The following WWOX variants were observed in gnomAD, a reference collection of about 807,000 sequenced individuals.
WWOX encodes WW domain-containing oxidoreductase.
WWOX carries 69 observed loss-of-function variants against 46.2 expected under a neutral mutation model. That is an observed-to-expected ratio of 1.49 (90% confidence interval 1.23 to 1.82). The LOEUF (loss-of-function observed/expected upper bound fraction) is 1.82. Ranked by LOEUF, WWOX falls within the 40% of genes most tolerant of loss-of-function variation. WWOX has a pLI of 0.00. For synonymous variants in WWOX, 359 were observed against 202.6 expected, an observed-to-expected ratio of 1.77 and a Z score of -6.56; for missense variants, 919 against 542.6, an observed-to-expected ratio of 1.69 and a Z score of -6.89.
intron 5 of WWOX, among the ~76,000 whole-genome samples, chr16:78,370,508 AT>A (rs372525857): frequency 6.3e-4 from 95 of 149,832 alleles, no homozygotes; most frequent in African/African-American, 2.2e-3. Flanking sequence ...TTTTTTTTTG[AT>A]TTTTTTATGT....
intron 5 of WWOX, among the ~76,000 whole-genome samples, chr16:78,363,496 C>G (rs924613284): frequency 2.6e-5 from 4 of 151,990 alleles, no homozygotes; most frequent in Non-Finnish European, 4.4e-5. Flanking sequence ...CCAGGCTGTC[C>G]TTGAACTCCT....
chr16:78,832,273 C>A (rs575566496), intron 8 of WWOX, among the ~76,000 whole-genome samples: 1 of 152,186 alleles, frequency 6.6e-6, no homozygotes, highest in Non-Finnish European at 1.5e-5. Context: ...TGTACAGCTT[C>A]AGGAGCAGCC....
intron 8 of WWOX, among the ~76,000 whole-genome samples, chr16:78,827,005 C>G (rs944015985): frequency 6.6e-6 from 1 of 152,100 alleles, no homozygotes; most frequent in Non-Finnish European, 1.5e-5. Flanking sequence ...AGATTATTTC[C>G]TCCCCGTGTC....
intron 8 of WWOX, among the ~76,000 whole-genome samples, chr16:78,809,084 C>G (rs1482608462): frequency 6.6e-6 from 1 of 152,138 alleles, no homozygotes; most frequent in Non-Finnish European, 1.5e-5. Flanking sequence ...ACACTGAGGA[C>G]ACACGGCGTT....
chr16:78,221,761 G>C (rs2036895601), intron 5 of WWOX, among the ~76,000 whole-genome samples: 1 of 152,240 alleles, frequency 6.6e-6, no homozygotes, highest in African/African-American at 2.4e-5. Flanking sequence ...CCATTCATGT[G>C]TAATCCCGTA....
chr16:78,917,890 A>T (rs906625828), intron 8 of WWOX, among the ~76,000 whole-genome samples: 3 of 152,134 alleles, frequency 2.0e-5, no homozygotes, highest in African/African-American at 7.2e-5. Flanking sequence ...GTTTTTTAAA[A>T]CAAAAAAAAG....
intron 8 of WWOX, among the ~76,000 whole-genome samples, chr16:78,466,717 G>C (rs571787949): frequency 3.9e-5 from 6 of 152,184 alleles, no homozygotes; most frequent in African/African-American, 1.4e-4. Context: ...GCTTGGCGCT[G>C]GGTTTCTGTA....
At chr16:78,427,634 T>C (rs978702714) in intron 7 of WWOX, among the ~76,000 whole-genome samples, 1 of 151,792 alleles carries the variant, frequency 6.6e-6, no homozygotes, top group African/African-American at 2.4e-5. Flanking sequence ...CTCAATAAAA[T>C]TGGGCTTGGT....
At position 78,449,808 on chromosome 16, in the gene WWOX, T is replaced by G. The variant is rs547233010; in HGVS notation, c.1056+17056T>G. On this transcript the variant is annotated intron_variant, in intron 8 of 8. Transcript: ENST00000566780. ...ATGTTGCTTTAGTAGAAGGGGCCCT[T>G]GTTAATCGATGGCCCAAATTGTCTT... Among the ~76,000 whole-genome samples, 4 of 152,288 alleles carry G rather than the reference T, an allele frequency of 2.6e-5. No individual in the cohort carries two copies. In the East Asian group the frequency reaches 5.8e-4, roughly 22 times the overall value.
chr16:78,354,798 C>T (rs2081251348), intron 5 of WWOX, among the ~76,000 whole-genome samples: 1 of 152,072 alleles, frequency 6.6e-6, no homozygotes, highest in African/African-American at 2.4e-5. Context: ...CTGTCTTTAA[C>T]ACTTCTTGAT....
chr16:78,615,328 C>A (rs557472923), intron 8 of WWOX, among the ~76,000 whole-genome samples: 109 of 152,186 alleles, frequency 7.2e-4, no homozygotes, highest in African/African-American at 2.5e-3. Context: ...CTCCGCGACT[C>A]GGTACCTGGT....
At chr16:78,337,561 A>T (rs1279899847) in intron 5 of WWOX, among the ~76,000 whole-genome samples, 1 of 152,186 alleles carries the variant, frequency 6.6e-6, no homozygotes, top group Non-Finnish European at 1.5e-5. Flanking sequence ...ATGCATAATG[A>T]CAGGTGTCTG....
intron 5 of WWOX, among the ~76,000 whole-genome samples, chr16:78,341,762 C>T (rs915991462): frequency 8.3e-6 from 1 of 120,656 alleles, no homozygotes; most frequent in Admixed American, 8.1e-5. Flanking sequence ...GTGGACATGT[C>T]TGAGGCCAAA....
chr16:78,935,197 G>A (rs957563251), intron 8 of WWOX, among the ~76,000 whole-genome samples: 7 of 152,264 alleles, frequency 4.6e-5, no homozygotes, highest in East Asian at 1.9e-4. Flanking sequence ...ACATTGTGGC[G>A]ATTCCTCAAG....
At chr16:78,651,782 G>C (rs978886264) in intron 8 of WWOX, among the ~76,000 whole-genome samples, 1 of 152,198 alleles carries the variant, frequency 6.6e-6, no homozygotes, top group Non-Finnish European at 1.5e-5. Flanking sequence ...TTTGGAACGA[G>C]ACACTGTTGG....
At chr16:79,031,185 C>T (rs537158180) in intron 8 of WWOX, among the ~76,000 whole-genome samples, 3 of 152,002 alleles carry the variant, frequency 2.0e-5, no homozygotes, top group South Asian at 4.2e-4. Flanking sequence ...CGGAAGCCTT[C>T]GCCCCCTTCT....
intron 8 of WWOX, among the ~76,000 whole-genome samples, chr16:79,020,109 A>T (rs2550718): frequency 6.7e-4 from 102 of 152,080 alleles, no homozygotes; most frequent in Non-Finnish European, 1.3e-3. Context: ...TTGATGAACA[A>T]CTACTACATG....
chr16:79,204,118 A>T (rs1432707905), intron 8 of WWOX: 1 of 151,984 alleles, frequency 6.6e-6, no homozygotes, highest in Non-Finnish European at 1.5e-5. Flanking sequence ...GGCTATTTCA[A>T]ACCAACCATG....
chr16:78,919,149 A>G (rs74694878), intron 8 of WWOX, among the ~76,000 whole-genome samples: 3,226 of 152,196 alleles, frequency 0.021, 38 homozygotes, highest in African/African-American at 0.029. Flanking sequence ...GACCGCAATA[A>G]CCAACATACT....
Sources: gnomAD v4.1 joint callset for allele counts (sites outside exome capture counted in the v4.1 genomes callset) on GRCh38, gnomAD v4.1.1 for gene constraint, MANE v1.5 for transcripts, NCBI Gene and HGNC (gene_info 2026-07-23, HGNC 2026-07-21) for gene names.